NUP214: variants seen among roughly 807,000 people sequenced by gnomAD.
NUP214 encodes nucleoporin 214.
In NUP214, 79 loss-of-function variants were observed where a neutral mutation model predicts 196.2. That is an observed-to-expected ratio of 0.40 (90% confidence interval 0.34 to 0.49). The LOEUF is 0.49. Among genes scored for constraint, NUP214 ranks in the 20% least tolerant of loss-of-function variants. The pLI, the probability that NUP214 is intolerant of heterozygous loss-of-function variation, is 0.58. For synonymous variants in NUP214, 1,020 were observed against 990.5 expected (o/e 1.03, Z -0.56); for missense variants, 2,468 against 2,539.0 (o/e 0.97, Z 0.60).
chr9:131,229,236 C>T (rs1460080721), intron 33 of NUP214: 5 of 157,324 alleles, frequency 3.2e-5, no homozygotes, highest in African/African-American at 4.8e-5. Flanking sequence ...CCTTCCCCTC[C>T]GTGCAAGATG....
chr9:131,190,149 A>C (rs1833557724), intron 26 of NUP214: 1 of 306,842 alleles, frequency 3.3e-6, no homozygotes, highest in Admixed American at 5.0e-5. Flanking sequence ...AGTTGGTATC[A>C]TGTACGCCTC....
Position 131,175,498 on chromosome 9 carries a change from G to C in NUP214, c.3196G>C (p.Asp1066His). ...TAGCAAAATTATTCCTCAAGGGGCC[G>C]ATAGCACAATGCTTGCCACGAAAAC... ...SASKIIPQGA[D>H]STMLATKTVK... The change falls in exon 23 of 36, where the codon GAT (aspartate) becomes CAT (histidine). Residue 1066 changes from aspartate (D) to histidine (H), a missense_variant. Transcript: ENST00000359428. The C allele has an allele frequency of 6.2e-7, 1 of 1,614,112 alleles. No individual in the cohort carries two copies. The highest frequency in any genetic ancestry group is 8.5e-7 in the Non-Finnish European group (1 of 1,180,020).
chr9:131,154,849 G>A (rs142539081), intron 17 of NUP214, among the ~76,000 whole-genome samples: 3,051 of 152,278 alleles, frequency 0.02, 43 homozygotes, highest in Non-Finnish European at 0.029. Context: ...GTGTGCGCAC[G>A]CGCACGCTCG....
At chr9:131,176,583 C>T (rs899074755) in intron 23 of NUP214, among the ~76,000 whole-genome samples, 1 of 152,176 alleles carries the variant, frequency 6.6e-6, no homozygotes, top group East Asian at 1.9e-4. Flanking sequence ...CCCGCCTCTA[C>T]CTCCCAAAGT....
intron 30 of NUP214, 101 bp downstream of exon 30, chr9:131,201,818 A>C: frequency 1.0e-6 from 1 of 993,622 alleles, no homozygotes. Flanking sequence ...TAAATCCAGC[A>C]AATATAGCCC....
intron 26 of NUP214, chr9:131,190,014 T>C (rs1157880289): frequency 5.9e-6 from 1 of 170,618 alleles, no homozygotes; most frequent in Non-Finnish European, 1.3e-5. Flanking sequence ...ATTCTGACTT[T>C]CTCTGTAATC....
In NUP214 at chr9:131,139,338, G is replaced by C; in HGVS notation, c.1063G>C (p.Asp355His). Residue 355 changes from aspartate to histidine, a missense_variant, in exon 10 of 36, where the codon GAC (aspartate) becomes CAC (histidine). Coordinates refer to ENST00000359428, the MANE Select transcript of NUP214 (RefSeq NM_005085.4). ...TAGTCGAGCTGAATTGCCTGTGACA[G>C]ACAAGAGTGATGACTCCTTGCCCAT... ...DSSRAELPVTDKSDDSLPMGV... is the reference protein window; with the variant it reads ...DSSRAELPVTHKSDDSLPMGV... 6.3e-7 allele frequency: 1 copy of C among 1,590,568 alleles called. No individual in the cohort carries two copies. Among genetic ancestry groups the C allele is most frequent in the Non-Finnish European group, 8.5e-7 (1 of 1,170,138 alleles).
At chr9:131,139,179 C>T (rs1189031483) in intron 9 of NUP214, 102 bp from the exon 10 acceptor site, 1 of 1,258,522 alleles carries the variant, frequency 7.9e-7, no homozygotes, top group African/African-American at 1.6e-5. Flanking sequence ...TCTCTGTTCT[C>T]CTATTTGAAC....
intron 19 of NUP214, 143 bp downstream of exon 19, chr9:131,163,316 G>C: frequency 2.8e-6 from 2 of 716,046 alleles, no homozygotes; most frequent in East Asian, 2.9e-5. Context: ...CACCCTCTCT[G>C]ATCCTTTGTT....
At chr9:131,225,047 G>A (rs1336092294) in intron 32 of NUP214, among the ~76,000 whole-genome samples, 1 of 152,076 alleles carries the variant, frequency 6.6e-6, no homozygotes, top group Non-Finnish European at 1.5e-5. Flanking sequence ...AGGATCACTT[G>A]AGCCCAAAAG....
intron 32 of NUP214, among the ~76,000 whole-genome samples, chr9:131,226,329 C>T (rs1471949836): frequency 6.6e-6 from 1 of 152,128 alleles, no homozygotes; most frequent in African/African-American, 2.4e-5. Context: ...CTCCTGCCAT[C>T]AGGAGAGAGT....
Position 131,234,570 on chromosome 9 carries a change from C to CG in NUP214, c.*1087dup, listed in dbSNP as rs1834961690. 1 of 230,384 alleles carries CG rather than the reference C, an allele frequency of 4.3e-6. No individual in the cohort carries two copies. The highest frequency in any genetic ancestry group is 2.2e-5 in the African/African-American group (1 of 44,808). 14.3% of individuals were successfully genotyped at this position (230,384 alleles called of 1,614,324 possible). A position where few individuals can be genotyped will look rare whatever the true frequency, so the allele number is the denominator to read the frequency against. On this transcript the variant is annotated 3_prime_UTR_variant, in exon 36 of 36. Transcript: ENST00000359428. ...GTGCTTTGGCTTGGGTCATGAGCAG[C>CG]GGGGAGTTGGGAAGAGATTTTTTTT...
chr9:131,229,708 G>A (rs550038083), intron 33 of NUP214: 2 of 518,940 alleles, frequency 3.9e-6, no homozygotes, highest in African/African-American at 3.8e-5. Context: ...GCAGGCTGTT[G>A]CTGATGAGGC....
chr9:131,133,022 G>T, intron 6 of NUP214, 84 bp from the exon 7 acceptor site: 1 of 973,850 alleles, frequency 1.0e-6, no homozygotes, highest in Non-Finnish European at 1.6e-6. Context: ...TTTATCCATA[G>T]TGGCTATTCC....
chr9:131,135,862 G>C (rs1831710487), intron 8 of NUP214, 78 bp from the exon 9 acceptor site: 2 of 1,106,848 alleles, frequency 1.8e-6, no homozygotes, highest in Non-Finnish European at 2.7e-6. Flanking sequence ...AGCCCTCACA[G>C]GTGTTACCTG....
intron 19 of NUP214, chr9:131,163,405 C>T (rs950766179): frequency 5.9e-6 from 3 of 507,562 alleles, no homozygotes; most frequent in East Asian, 6.7e-5. Flanking sequence ...TAAAATATTA[C>T]ACTGATGAAA....
At chr9:131,206,221 C>T (rs1410185783) in intron 30 of NUP214, among the ~76,000 whole-genome samples, 1 of 136,304 alleles carries the variant, frequency 7.3e-6, no homozygotes, top group African/African-American at 2.7e-5. Flanking sequence ...TCTCCACTCA[C>T]TGCAACCTTT....
Position 131,198,452 on chromosome 9 carries a change from C to G in NUP214, c.4958C>G (p.Ser1653Cys), listed in dbSNP as rs1338890624. Residue 1653 changes from serine (S) to cysteine (C), a missense_variant, in exon 29 of 36, where the codon TCT (serine) becomes TGT (cysteine). Transcript: ENST00000359428. ...SVFAQPPAAS[S>C]SSAFNQLTNN... Reference sequence around the variant, plus strand: ...TTTGCTCAGCCTCCTGCTGCCAGTTCTAGCTCAGCTTTCAACCAGCTCACC... The same window carrying G: ...TTTGCTCAGCCTCCTGCTGCCAGTTGTAGCTCAGCTTTCAACCAGCTCACC... 1 of 1,614,130 alleles carries G rather than the reference C, an allele frequency of 6.2e-7. No homozygotes were observed. Among genetic ancestry groups the G allele is most frequent in the African/African-American group, 1.3e-5 (1 of 74,940 alleles).
Position 131,141,139 on chromosome 9 carries a change from A to C in NUP214, c.1294+429A>C, listed in dbSNP as rs139916863. Among the ~76,000 whole-genome samples, 97 of 75,326 alleles carry C rather than the reference A, an allele frequency of 1.3e-3. 4 individuals are homozygous for C. The East Asian group carries it at 0.06, about 47-fold the overall frequency. The allele number at this position is 75,326 out of a possible 152,430, so 49.4% of individuals were successfully genotyped here. On this transcript the variant is annotated intron_variant, in intron 11 of 35. Coordinates refer to ENST00000359428, the MANE Select transcript of NUP214 (RefSeq NM_005085.4). ...GAAGGAGTGAGTGGAATACATCACCAAAAAAAAAAAAACCACTATTCTTTG... is the reference window on the plus strand; with the variant it reads ...GAAGGAGTGAGTGGAATACATCACCCAAAAAAAAAAAACCACTATTCTTTG...
Sources: allele counts gnomAD v4.1 joint callset (sites outside exome capture counted in the v4.1 genomes callset), GRCh38; gene constraint gnomAD v4.1.1; transcripts MANE v1.5; gene names NCBI Gene and HGNC (gene_info 2026-07-23, HGNC 2026-07-21).